SIL1: variants seen among roughly 807,000 people sequenced by gnomAD.
The protein encoded by SIL1 is SIL1 nucleotide exchange factor.
SIL1 carries 40 observed loss-of-function variants against 49.1 expected under a neutral mutation model. The ratio of observed to expected loss-of-function variants is 0.81; its 90% CI spans 0.63 to 1.06. SIL1 has a LOEUF of 1.06. Among genes scored for constraint, SIL1 ranks in the 50% least tolerant of loss-of-function variants. The pLI is 0.00. For synonymous variants in SIL1, 253 were observed against 250.8 expected, an observed-to-expected ratio of 1.01 and a Z score of -0.08; for missense variants, 500 against 572.6, an observed-to-expected ratio of 0.87 and a Z score of 1.29.
chr5:139,075,372 T>G (rs1769926769), intron 3 of SIL1, among the ~76,000 whole-genome samples: 1 of 152,220 alleles, frequency 6.6e-6, no homozygotes, highest in Non-Finnish European at 1.5e-5. Flanking sequence ...AACAAGGACA[T>G]TAGTCCAAAC....
rs574223615 is a variant in SIL1 at position 139,184,843 on chromosome 5, T to C, written c.-11+13426A>G. Among the ~76,000 whole-genome samples the C allele has an allele frequency of 2.2e-4, 34 of 152,316 alleles. No homozygotes were observed. The South Asian group carries it at 4.6e-3, about 20-fold the overall frequency. Reference sequence around the variant, plus strand: ...TTTCTAGGGAGCAGAGAGGCCAAGCTGTCACATCTGAGAGGCAGTCTACAG... The same window carrying C: ...TTTCTAGGGAGCAGAGAGGCCAAGCCGTCACATCTGAGAGGCAGTCTACAG... On this transcript the variant is annotated intron_variant, in intron 1 of 9. Coordinates refer to ENST00000394817, the MANE Select transcript of SIL1 (RefSeq NM_022464.5).
intron 3 of SIL1, among the ~76,000 whole-genome samples, chr5:139,087,169 C>T (rs1457451726): frequency 3.3e-5 from 5 of 151,978 alleles, no homozygotes; most frequent in Non-Finnish European, 5.9e-5. Flanking sequence ...TCATACTCCA[C>T]TCTTCAGGCC....
intron 1 of SIL1, among the ~76,000 whole-genome samples, chr5:139,175,939 A>C (rs978915942): frequency 3.3e-5 from 5 of 152,298 alleles, no homozygotes; most frequent in Admixed American, 1.3e-4. Flanking sequence ...TGATCTGGGC[A>C]ACAGAGTGAG....
chr5:138,976,593 A>G (rs2060224), intron 7 of SIL1, among the ~76,000 whole-genome samples: 137,356 of 152,150 alleles, frequency 0.9, 62,264 homozygotes, highest in East Asian at 1. Flanking sequence ...GGATTAACAG[A>G]CTTGAGCCAC....
rs376625839 is a variant in SIL1 at position 138,951,935 on chromosome 5, G to C, written c.768-51C>G. 2.0e-6 allele frequency: 3 copies of C among 1,499,722 alleles called. No homozygotes were observed. The African/African-American group carries it at 4.1e-5, about 21-fold the overall frequency. 92.9% of individuals were successfully genotyped at this position (1,499,722 alleles called of 1,614,324 possible). ...GACTACCCTGCCCAGCCCAGGGATC[G>C]GATGGTCAGGGAACTGAGCCCATGT... On this transcript the variant is annotated intron_variant, in intron 7 of 9. Transcript: ENST00000394817.
chr5:139,155,448 T>TGAGAGAGTGAGAGAGAGAGAGAGAGA (rs1554136155), intron 1 of SIL1: 23 of 125,986 alleles, frequency 1.8e-4, no homozygotes, highest in African/African-American at 6.2e-4. Flanking sequence ...GTACACAGAG[T>TGAGAGAGTGAGAGAGAGAGAGAGAGA]GAGAGAGAGA....
chr5:139,186,974 A>G lies in SIL1; in HGVS notation c.-11+11295T>C, dbSNP rs186147300. On this transcript the variant is annotated intron_variant, in intron 1 of 9. Transcript: ENST00000394817. ...TTCAGGGAAGTAGGATTTCAACAGG[A>G]TTGTTATCATTTCTTAAGTTTTCAT... Among the ~76,000 whole-genome samples the G allele has an allele frequency of 1.8e-4, 27 of 152,340 alleles. No homozygotes were observed. The East Asian group carries it at 2.1e-3, about 12-fold the overall frequency.
intron 7 of SIL1, 148 bp downstream of exon 7, chr5:139,021,023 T>C: frequency 8.7e-7 from 1 of 1,146,346 alleles, no homozygotes; most frequent in Admixed American, 2.0e-5. Flanking sequence ...CCTATCTACT[T>C]GGAATAAGGG....
intron 1 of SIL1, among the ~76,000 whole-genome samples, chr5:139,166,362 T>C (rs1751624750): frequency 6.6e-6 from 1 of 152,204 alleles, no homozygotes; most frequent in African/African-American, 2.4e-5. Flanking sequence ...GTACTCATTC[T>C]ACTTATTTTT....
At chr5:138,977,356 A>G (rs987554296) in intron 7 of SIL1, among the ~76,000 whole-genome samples, 1 of 152,210 alleles carries the variant, frequency 6.6e-6, no homozygotes, top group African/African-American at 2.4e-5. Flanking sequence ...CTTGAACTAG[A>G]TACCAGGAAG....
At chr5:139,031,521 AGAGT>A (rs1383452215) in intron 5 of SIL1, among the ~76,000 whole-genome samples, 2 of 152,206 alleles carry the variant, frequency 1.3e-5, no homozygotes, top group Non-Finnish European at 2.9e-5. Context: ...CTATAGCTAC[AGAGT>A]AAGCCTTAAA....
At chr5:138,972,190 T>A (rs979623102) in intron 7 of SIL1, among the ~76,000 whole-genome samples, 1 of 152,210 alleles carries the variant, frequency 6.6e-6, no homozygotes, top group African/African-American at 2.4e-5. Flanking sequence ...CTTAAGTGAT[T>A]CCGTTGACTT....
In SIL1 at chr5:138,981,127, C is replaced by T. The variant is rs1025231362; in HGVS notation, c.768-29243G>A. 2.7e-5 allele frequency among the ~76,000 whole-genome samples: 4 copies of T among 150,592 alleles called. No individual in the cohort carries two copies. In the East Asian group the frequency reaches 5.9e-4, roughly 22 times the overall value. ...GGCTGAGAGGCTGAGGCAGGAGAAT[C>T]GCTTGAACCCAGGTGGCGGAGGTTG... is the stretch of plus-strand genomic sequence containing the variant. On this transcript the variant is annotated intron_variant, in intron 7 of 9. Coordinates refer to ENST00000394817, the MANE Select transcript of SIL1 (RefSeq NM_022464.5).
chr5:138,952,618 C>T (rs991908180), intron 7 of SIL1, among the ~76,000 whole-genome samples: 3 of 152,212 alleles, frequency 2.0e-5, no homozygotes, highest in African/African-American at 7.2e-5. Flanking sequence ...AACGAACGAA[C>T]GAATGAACAA....
intron 1 of SIL1, among the ~76,000 whole-genome samples, chr5:139,170,173 A>G (rs1377871224): frequency 2.0e-5 from 3 of 152,154 alleles, no homozygotes; most frequent in East Asian, 3.9e-4. Flanking sequence ...TCAGTGCTCA[A>G]TGGTGCCCAG....
intron 7 of SIL1, among the ~76,000 whole-genome samples, chr5:138,963,035 G>A (rs531740639): frequency 5.9e-5 from 9 of 152,228 alleles, no homozygotes; most frequent in Admixed American, 4.6e-4. Flanking sequence ...TAAAACATAC[G>A]GGAGATTTTT....
At chr5:139,120,079 A>G (rs1750592196) in intron 3 of SIL1, among the ~76,000 whole-genome samples, 1 of 152,282 alleles carries the variant, frequency 6.6e-6, no homozygotes, top group African/African-American at 2.4e-5. Flanking sequence ...TTGCTACCAG[A>G]AAGCTGGCTG....
At chr5:139,191,539 G>A (rs1048643765) in intron 1 of SIL1, among the ~76,000 whole-genome samples, 7 of 151,824 alleles carry the variant, frequency 4.6e-5, no homozygotes, top group Non-Finnish European at 8.8e-5. Context: ...CAGTGCTCTA[G>A]AAGGCCAAGG....
intron 7 of SIL1, among the ~76,000 whole-genome samples, chr5:139,008,648 T>C: frequency 6.7e-6 from 1 of 148,272 alleles, no homozygotes; most frequent in East Asian, 1.9e-4. Context: ...TCCCAGAGAT[T>C]CTGGTATGTT....
Sources: allele counts gnomAD v4.1 joint callset (sites outside exome capture counted in the v4.1 genomes callset), GRCh38; gene constraint gnomAD v4.1.1; transcripts MANE v1.5; gene names NCBI Gene and HGNC (gene_info 2026-07-23, HGNC 2026-07-21).